The following GPR183 variants were observed in gnomAD, a reference collection of about 807,000 sequenced individuals.
GPR183 encodes the protein EBV-induced G-protein coupled receptor 2.
GPR183 carries 9 observed loss-of-function variants against 19.7 expected under a neutral mutation model. The observed-to-expected ratio is 0.46, with a 90% CI of 0.28 to 0.80. The LOEUF (loss-of-function observed/expected upper bound fraction) is 0.80, where lower values mean the gene tolerates loss of function less well. GPR183 is among the 30% of genes least tolerant of loss of function. The pLI is 0.13. For synonymous variants in GPR183, 160 were observed against 155.1 expected (o/e 1.03, Z -0.24); for missense variants, 368 against 446.7 (o/e 0.82, Z 1.59).
Position 99,295,257 on chromosome 13 carries a change from T to C in GPR183, c.889A>G (p.Met297Val). 1.2e-6 allele frequency: 2 copies of C among 1,614,156 alleles called. No individual in the cohort carries two copies. The highest frequency in any genetic ancestry group is 1.7e-6 in the Non-Finnish European group (2 of 1,180,008). Residue 297 changes from methionine (M) to valine (V), a missense_variant, in exon 2 of 2, where the codon ATG becomes GTG. Transcript: ENST00000376414. This position sits in a 1 kb window ranked among gnomAD's most constrained non-coding sequence, Gnocchi z 4.1. ...QISLHFTVCL[M>V]NFNCCMDPFI... ...GGGTCCATGCAGCAATTGAAGTTCA[T>C]CAGGCATACTGTAAAGTGCAGAGAA... is the stretch of plus-strand genomic sequence containing the variant.
chr13:99,294,905 T>C lies in GPR183; in HGVS notation c.*155A>G, dbSNP rs2044144581. ...TGTTGTTTGCTTTATGTTGTTCTCT[T>C]GGGCTTACTTCCGAGTTGGAGATGG... is the stretch of plus-strand genomic sequence containing the variant. On this transcript the variant is annotated 3_prime_UTR_variant, in exon 2 of 2. Coordinates refer to ENST00000376414, the MANE Select transcript of GPR183 (RefSeq NM_004951.5). 1 of 709,496 alleles carries C rather than the reference T, an allele frequency of 1.4e-6. No homozygotes were observed. Among genetic ancestry groups the C allele is most frequent in the Non-Finnish European group, 2.3e-6 (1 of 436,812 alleles). 44.0% of individuals were successfully genotyped at this position (709,496 alleles called of 1,614,324 possible).
At position 99,295,833 on chromosome 13, in the gene GPR183, T is replaced by G; in HGVS notation, c.313A>C (p.Arg105=). ...FDWRIGDALC[R]ITALVFYINT... ...ATGTAAAACACTAGCGCAGTTATCC[T>G]ACACAAGGCATCTCCGATTCTCCAG... is the stretch of plus-strand genomic sequence containing the variant. Residue 105 remains arginine (R), a synonymous_variant, in exon 2 of 2, where the codon AGG becomes CGG. Transcript: ENST00000376414. This position sits in a 1 kb window ranked among gnomAD's most constrained non-coding sequence, Gnocchi z 4.1. The G allele has an allele frequency of 6.2e-7, 1 of 1,606,950 alleles. No individual in the cohort carries two copies. The highest frequency in any genetic ancestry group is 8.5e-7 in the Non-Finnish European group (1 of 1,175,276).
At chr13:99,301,387 T>A (rs549649475) in intron 1 of GPR183, among the ~76,000 whole-genome samples, 41 of 152,384 alleles carry the variant, frequency 2.7e-4, no homozygotes, top group African/African-American at 9.1e-4. Flanking sequence ...ATCCCAGTTT[T>A]GCCTCTGTAA....
chr13:99,298,354 T>TA (rs1170798336), intron 1 of GPR183, among the ~76,000 whole-genome samples: 1 of 152,056 alleles, frequency 6.6e-6, no homozygotes, highest in Non-Finnish European at 1.5e-5. Context: ...GATAAAAAGA[T>TA]AAAGGATAAG....
chr13:99,297,565 G>A (rs893892611), intron 1 of GPR183, among the ~76,000 whole-genome samples: 1 of 152,064 alleles, frequency 6.6e-6, no homozygotes, highest in Non-Finnish European at 1.5e-5. Context: ...GTCATGTTAT[G>A]TTAGAGGTAT....
intron 1 of GPR183, among the ~76,000 whole-genome samples, chr13:99,298,579 C>T (rs1159521928): frequency 1.3e-5 from 2 of 151,914 alleles, no homozygotes; most frequent in Non-Finnish European, 2.9e-5. Flanking sequence ...GTTCAAGAAG[C>T]TAGAAAAGAA....
At chr13:99,304,174 C>T (rs2044296888) in intron 1 of GPR183, among the ~76,000 whole-genome samples, 1 of 152,200 alleles carries the variant, frequency 6.6e-6, no homozygotes. Flanking sequence ...TGATCGTGGC[C>T]TGGCTCCAGG....
chr13:99,306,511 GC>G (rs2044338404), intron 1 of GPR183, among the ~76,000 whole-genome samples: 1 of 151,320 alleles, frequency 6.6e-6, no homozygotes, highest in South Asian at 2.1e-4. Context: ...AAAATACCAC[GC>G]CCCCCTCCCC....
chr13:99,295,572 A>G lies in GPR183; in HGVS notation c.574T>C (p.Ser192Pro). The change falls in exon 2 of 2, where the codon TCT becomes CCT. Residue 192 changes from serine to proline, a missense_variant. Ser to Pro is a moderately conservative substitution (Grantham distance 74). Transcript: ENST00000376414. The surrounding 1 kb of genome is among the most constrained non-coding windows in gnomAD (Gnocchi z 4.1). ...MEYPNFEETK[S>P]LPWILLGACF... ...GCCCCAAGCAGAATCCAGGGAAGAG[A>G]TTTAGTTTCTTCAAAGTTTGGATAC... 6.2e-7 allele frequency: 1 copy of G among 1,613,906 alleles called. No individual in the cohort carries two copies. The highest frequency in any genetic ancestry group is 8.5e-7 in the Non-Finnish European group (1 of 1,179,990).
intron 1 of GPR183, among the ~76,000 whole-genome samples, chr13:99,307,123 G>A (rs1218273016): frequency 6.6e-6 from 1 of 152,090 alleles, no homozygotes; most frequent in Admixed American, 6.6e-5. Flanking sequence ...AGATATTTCT[G>A]GTGGACCCAT....
At chr13:99,298,318 A>G (rs1381328088) in intron 1 of GPR183, among the ~76,000 whole-genome samples, 1 of 152,182 alleles carries the variant, frequency 6.6e-6, no homozygotes, top group Non-Finnish European at 1.5e-5. Flanking sequence ...TTGCTTGACT[A>G]CAGTGCAGCT....
At chr13:99,306,780 A>T (rs2044343068) in intron 1 of GPR183, among the ~76,000 whole-genome samples, 2 of 152,196 alleles carry the variant, frequency 1.3e-5, no homozygotes, top group African/African-American at 4.8e-5. Flanking sequence ...TTTAGCATTT[A>T]AAAAGCAAAG....
In GPR183 at chr13:99,294,874, G is replaced by A; in HGVS notation, c.*186C>T. ...AAATATTTATTTGCATTTTTATTGT[G>A]CTTTATGTTGTTTGCTTTATGTTGT... On this transcript the variant is annotated 3_prime_UTR_variant, in exon 2 of 2. Coordinates refer to ENST00000376414, the MANE Select transcript of GPR183 (RefSeq NM_004951.5). The A allele has an allele frequency of 1.9e-6, 1 of 535,032 alleles. No individual in the cohort carries two copies. Among genetic ancestry groups the A allele is most frequent in the South Asian group, 3.3e-5 (1 of 30,124 alleles). The allele number at this position is 535,032 out of a possible 1,614,324, so 33.1% of individuals were successfully genotyped here.
rs777364107 is a variant in GPR183, at chr13:99,295,474, G to C, written c.672C>G (p.Phe224Leu). The C allele has an allele frequency of 9.3e-6, 15 of 1,613,954 alleles. No homozygotes were observed. Among genetic ancestry groups the C allele is most frequent in the Non-Finnish European group, 1.1e-5 (13 of 1,180,018 alleles). ...TGAGTGGGTTTTGTTTGGCAGTTCT[G>C]AAGAGTTTGCAGCAGATCTGAGAAT... The part of the protein sequence containing the change: ...ICYSQICCKL[F>L]RTAKQNPLTE... Residue 224 changes from phenylalanine (F) to leucine (L), a missense_variant, in exon 2 of 2, where the codon TTC becomes TTG. Phe to Leu is a conservative substitution (Grantham distance 22). Transcript: ENST00000376414. The surrounding 1 kb of genome is among the most constrained non-coding windows in gnomAD (Gnocchi z 4.1).
chr13:99,295,685 A>T lies in GPR183; in HGVS notation c.461T>A (p.Phe154Tyr). Residue 154 changes from phenylalanine to tyrosine, a missense_variant, in exon 2 of 2, where the codon TTT (phenylalanine) becomes TAT (tyrosine). Physicochemically the swap from Phe to Tyr is conservative, Grantham distance 22. Transcript: ENST00000376414. The surrounding 1 kb of genome is among the most constrained non-coding windows in gnomAD (Gnocchi z 4.1). ...RIEHAKGVCI[F>Y]VWILVFAQTL... Reference sequence around the variant, plus strand: ...CTGAGCAAATACTAGAATCCAGACAAATATGCACACGCCTTTTGCATGTTC... The same window carrying T: ...CTGAGCAAATACTAGAATCCAGACATATATGCACACGCCTTTTGCATGTTC... 1 of 1,614,186 alleles carries T rather than the reference A, an allele frequency of 6.2e-7. No individual in the cohort carries two copies. The highest frequency in any genetic ancestry group is 8.5e-7 in the Non-Finnish European group (1 of 1,180,034).
At chr13:99,300,136 C>T (rs1480199997) in intron 1 of GPR183, among the ~76,000 whole-genome samples, 1 of 152,202 alleles carries the variant, frequency 6.6e-6, no homozygotes, top group East Asian at 1.9e-4. Context: ...AGGGGGTGCC[C>T]ACTTCCAGGA....
intron 1 of GPR183, 143 bp from the exon 2 acceptor site, chr13:99,296,306 T>A: frequency 1.8e-6 from 1 of 547,320 alleles, no homozygotes; most frequent in East Asian, 3.2e-5. Context: ...TTTCATGACA[T>A]GCAATTTTTA....
chr13:99,298,664 T>C (rs906922085), intron 1 of GPR183, among the ~76,000 whole-genome samples: 5 of 152,032 alleles, frequency 3.3e-5, no homozygotes, highest in African/African-American at 1.2e-4. Flanking sequence ...AGACAATAAA[T>C]ATCAGTTTTA....
At chr13:99,300,845 T>C (rs1462621547) in intron 1 of GPR183, among the ~76,000 whole-genome samples, 1 of 152,236 alleles carries the variant, frequency 6.6e-6, no homozygotes, top group Non-Finnish European at 1.5e-5. Flanking sequence ...CTTTGTGCAT[T>C]ACAGTGCACC....
Sources: gnomAD v4.1 joint callset for allele counts (sites outside exome capture counted in the v4.1 genomes callset) on GRCh38, gnomAD v4.1.1 for gene constraint, Gnocchi (gnomAD v3.1) non-coding constraint, MANE v1.5 for transcripts, NCBI Gene and HGNC (gene_info 2026-07-23, HGNC 2026-07-21) for gene names.